The following RTN1 variants were observed in gnomAD, a reference collection of about 807,000 sequenced individuals.
RTN1 encodes the protein reticulon-1.
RTN1 carries 25 observed loss-of-function variants against 65.5 expected under a neutral mutation model. The observed-to-expected ratio is 0.38, with a 90% CI of 0.28 to 0.53. The LOEUF is 0.53. Among genes scored for constraint, RTN1 ranks in the 20% least tolerant of loss-of-function variants. The pLI, the probability that RTN1 is intolerant of heterozygous loss-of-function variation, is 0.79. For missense variants in RTN1, 983 were observed against 1,025.4 expected (o/e 0.96, Z 0.57); for synonymous variants, 471 against 447.6 (o/e 1.05, Z -0.66).
intron 1 of RTN1, among the ~76,000 whole-genome samples, chr14:59,798,704 A>C (rs1417464878): frequency 6.6e-6 from 1 of 151,538 alleles, no homozygotes; most frequent in East Asian, 1.9e-4. Context: ...TCAACATTTT[A>C]ATATTCTTAG....
At chr14:59,752,908 C>A (rs1232197652) in intron 1 of RTN1, among the ~76,000 whole-genome samples, 2 of 152,124 alleles carry the variant, frequency 1.3e-5, no homozygotes, top group Non-Finnish European at 2.9e-5. Context: ...ATTCTCAGAA[C>A]AAGAGTATTC....
chr14:59,638,023 G>A (rs1235232048), intron 3 of RTN1, among the ~76,000 whole-genome samples: 1 of 151,812 alleles, frequency 6.6e-6, no homozygotes, highest in Non-Finnish European at 1.5e-5. Flanking sequence ...AGCTAATTTT[G>A]GTATTTTTAG....
Position 59,825,051 on chromosome 14 carries a change from C to G in RTN1, c.241+45339G>C, listed in dbSNP as rs564996456. On this transcript the variant is annotated intron_variant, in intron 1 of 8. Transcript: ENST00000267484. This position sits in a 1 kb window ranked among gnomAD's most constrained non-coding sequence, Gnocchi z 4.2. The stretch of plus-strand genomic sequence containing the variant: ...CTTTCAGTTACAAGATAAATAAGTT[C>G]TGGAAATCTAATGTAAAGCATAGTG... Among the ~76,000 whole-genome samples, 30 of 152,332 alleles carry G rather than the reference C, an allele frequency of 2.0e-4. No homozygotes were observed. Among genetic ancestry groups the G allele is most frequent in the African/African-American group, 6.7e-4 (28 of 41,578 alleles).
chr14:59,714,232 T>TAAAAAAAAA (rs66785056), intron 3 of RTN1, among the ~76,000 whole-genome samples: 1 of 127,962 alleles, frequency 7.8e-6, no homozygotes, highest in Non-Finnish European at 1.7e-5. Context: ...AGACTCCGTC[T>TAAAAAAAAA]AAAAAAAAAA....
At chr14:59,672,343 C>CTA (rs1171867738) in intron 3 of RTN1, among the ~76,000 whole-genome samples, 2 of 152,168 alleles carry the variant, frequency 1.3e-5, no homozygotes, top group Admixed American at 1.3e-4. Flanking sequence ...AAGTAAAGCG[C>CTA]TATGATGTTA....
rs143506491 is a variant in RTN1 at position 59,842,402 on chromosome 14, T to C, written c.241+27988A>G. On this transcript the variant is annotated intron_variant, in intron 1 of 8. Transcript: ENST00000267484. ...AATAAATAGACAAAAAACAAGAATC[T>C]AGAACAGCCTTCATGAACTGGATTT... Among the ~76,000 whole-genome samples, 121 of 152,250 alleles carry C rather than the reference T, an allele frequency of 7.9e-4. 2 individuals carry two copies. The East Asian group carries it at 0.022, about 28-fold the overall frequency.
intron 1 of RTN1, among the ~76,000 whole-genome samples, chr14:59,848,545 G>C (rs1180792808): frequency 6.6e-6 from 1 of 152,046 alleles, no homozygotes; most frequent in African/African-American, 2.4e-5. Flanking sequence ...ATATAAATAG[G>C]AGCAAGAATT....
chr14:59,820,884 C>A (rs549906865), intron 1 of RTN1, among the ~76,000 whole-genome samples: 85 of 152,128 alleles, frequency 5.6e-4, no homozygotes, highest in Non-Finnish European at 5.1e-4. Flanking sequence ...TGTTTTTGTA[C>A]CAATACTATG....
rs543639121 is a variant in RTN1 at position 59,642,999 on chromosome 14, T to G, written c.1766-35507A>C. ...TCCCATCAGAAATTAAGCTGAGTTA[T>G]GGTGGGTTGCAGTTTTAGTTAGGCT... On this transcript the variant is annotated intron_variant, in intron 3 of 8. Coordinates refer to ENST00000267484, the MANE Select transcript of RTN1 (RefSeq NM_021136.3). Among the ~76,000 whole-genome samples the G allele has an allele frequency of 1.7e-4, 26 of 152,334 alleles. No individual in the cohort carries two copies. The South Asian group carries it at 5.2e-3, about 30-fold the overall frequency.
Position 59,794,870 on chromosome 14 carries a change from G to C in RTN1, c.242-48389C>G, listed in dbSNP as rs1383948102. ...GCTGAGATATGTCATTTTTATCTAG[G>C]TATCCAAATGTCTAGCAAAAAAGTT... is the stretch of plus-strand genomic sequence containing the variant. On this transcript the variant is annotated intron_variant, in intron 1 of 8. Coordinates refer to ENST00000267484, the MANE Select transcript of RTN1 (RefSeq NM_021136.3). This position sits in a 1 kb window ranked among gnomAD's most constrained non-coding sequence, Gnocchi z 5.1. Among the ~76,000 whole-genome samples, 1 of 152,074 alleles carries C rather than the reference G, an allele frequency of 6.6e-6. No homozygotes were observed. The highest frequency in any genetic ancestry group is 1.5e-5 in the Non-Finnish European group (1 of 68,030).
Position 59,868,933 on chromosome 14 carries a change from G to A in RTN1, c.241+1457C>T, listed in dbSNP as rs1375150802. Among the ~76,000 whole-genome samples, 1 of 152,164 alleles carries A rather than the reference G, an allele frequency of 6.6e-6. No homozygotes were observed. The highest frequency in any genetic ancestry group is 1.5e-5 in the Non-Finnish European group (1 of 68,026). On this transcript the variant is annotated intron_variant, in intron 1 of 8. Coordinates refer to ENST00000267484, the MANE Select transcript of RTN1 (RefSeq NM_021136.3). The surrounding 1 kb of genome is among the most constrained non-coding windows in gnomAD (Gnocchi z 4.0). ...TAAAGAGTTTTGTTTTCACTTGGAT[G>A]CAGAAGTTGAAAGAGAGACTGAGCA...
At chr14:59,605,195 G>T in intron 5 of RTN1, 173 bp downstream of exon 5, 2 of 596,904 alleles carry the variant, frequency 3.4e-6, no homozygotes, top group South Asian at 2.9e-5. Context: ...TTTCATCATT[G>T]GTACAATGAA....
intron 3 of RTN1, among the ~76,000 whole-genome samples, chr14:59,718,608 C>G (rs149841889): frequency 6.6e-6 from 1 of 152,264 alleles, no homozygotes; most frequent in Non-Finnish European, 1.5e-5. Flanking sequence ...ACATCACCAT[C>G]ACCTAAATAT....
rs187126566 is a variant in RTN1 at position 59,718,691 on chromosome 14, C to T, written c.1765+8228G>A. Among the ~76,000 whole-genome samples, 965 of 152,258 alleles carry T rather than the reference C, an allele frequency of 6.3e-3. 7 individuals carry two copies. Among genetic ancestry groups the T allele is most frequent in the African/African-American group, 0.022 (917 of 41,550 alleles). Reference sequence around the variant, plus strand: ...AATAGGGAGATCATTTCAGTGCTATCATAATCCAAATGGATGAGTTTTTCC... The same window carrying T: ...AATAGGGAGATCATTTCAGTGCTATTATAATCCAAATGGATGAGTTTTTCC... On this transcript the variant is annotated intron_variant, in intron 3 of 8. Coordinates refer to ENST00000267484, the MANE Select transcript of RTN1 (RefSeq NM_021136.3).
chr14:59,832,173 C>T (rs1301261681), intron 1 of RTN1, among the ~76,000 whole-genome samples: 1 of 152,168 alleles, frequency 6.6e-6, no homozygotes, highest in Admixed American at 6.5e-5. Context: ...TAAGGAAGTA[C>T]ACATTGTCTT....
At chr14:59,857,639 C>T (rs1267157147) in intron 1 of RTN1, among the ~76,000 whole-genome samples, 1 of 152,198 alleles carries the variant, frequency 6.6e-6, no homozygotes, top group Non-Finnish European at 1.5e-5. Context: ...TTATTAGAGG[C>T]CCTGAAATTG....
rs376425677 is a variant in RTN1, at chr14:59,749,314, A to G, written c.242-2833T>C. Reference sequence around the variant, plus strand: ...TATATATATCTATATATATCTATATATATATCTATATATCTATATATATCT... The same window carrying G: ...TATATATATCTATATATATCTATATGTATATCTATATATCTATATATATCT... On this transcript the variant is annotated intron_variant, in intron 1 of 8. Coordinates refer to ENST00000267484, the MANE Select transcript of RTN1 (RefSeq NM_021136.3). Among the ~76,000 whole-genome samples, 8 of 61,914 alleles carry G rather than the reference A, an allele frequency of 1.3e-4. No individual in the cohort carries two copies. The South Asian group carries it at 1.7e-3, about 13-fold the overall frequency. 40.6% of individuals were successfully genotyped at this position (61,914 alleles called of 152,430 possible).
chr14:59,783,309 G>T (rs78596912), intron 1 of RTN1, among the ~76,000 whole-genome samples: 1 of 152,148 alleles, frequency 6.6e-6, no homozygotes, highest in African/African-American at 2.4e-5. Flanking sequence ...GGCGTAGAGA[G>T]GGAAGCAAGA....
intron 1 of RTN1, among the ~76,000 whole-genome samples, chr14:59,757,244 A>G (rs543866372): frequency 6.6e-6 from 1 of 152,174 alleles, no homozygotes; most frequent in East Asian, 1.9e-4. Flanking sequence ...CTGTGCCCCC[A>G]CCCAAATCTC....
Sources: gnomAD v4.1 joint callset for allele counts (sites outside exome capture counted in the v4.1 genomes callset) on GRCh38, gnomAD v4.1.1 for gene constraint, Gnocchi (gnomAD v3.1) non-coding constraint, MANE v1.5 for transcripts, NCBI Gene and HGNC (gene_info 2026-07-23, HGNC 2026-07-21) for gene names.